The following DAB1 variants were observed in gnomAD, a reference collection of about 807,000 sequenced individuals.
DAB1 encodes the protein disabled homolog 1.
Under a neutral mutation model 64.6 loss-of-function variants are expected in DAB1, and 15 were observed. That is an observed-to-expected ratio of 0.23 (90% CI 0.16 to 0.36). The LOEUF (loss-of-function observed/expected upper bound fraction) is 0.36. DAB1 is among the 10% of genes least tolerant of loss of function. The probability of loss-of-function intolerance (pLI) is 1.00; values close to 1 mark genes in which losing one functional copy is unlikely to be tolerated. For missense variants in DAB1, 596 were observed against 706.7 expected, an observed-to-expected ratio of 0.84 and a Z score of 1.78; for synonymous variants, 235 against 251.9, an observed-to-expected ratio of 0.93 and a Z score of 0.64.
intron 2 of DAB1, among the ~76,000 whole-genome samples, chr1:57,270,807 G>A (rs1670935014): frequency 1.3e-5 from 2 of 152,128 alleles, no homozygotes; most frequent in African/African-American, 4.8e-5. Flanking sequence ...GCACCTATTA[G>A]TGCCAGGCAC....
chr1:57,671,767 C>A (rs1646512823), intron 6 of DAB1, among the ~76,000 whole-genome samples: 1 of 152,084 alleles, frequency 6.6e-6, no homozygotes, highest in South Asian at 2.1e-4. Flanking sequence ...CTTCCCTGTA[C>A]AGCCTTCCCT....
chr1:57,177,432 G>T (rs768093832), intron 2 of DAB1, among the ~76,000 whole-genome samples: 2 of 151,994 alleles, frequency 1.3e-5, no homozygotes, highest in African/African-American at 4.8e-5. Flanking sequence ...AAACTAGGAG[G>T]GTAGAGGGAA....
intron 5 of DAB1, among the ~76,000 whole-genome samples, chr1:58,030,161 C>T (rs1383507900): frequency 5.3e-5 from 8 of 151,986 alleles, no homozygotes; most frequent in Admixed American, 3.3e-4. Context: ...GAGCCGAGAT[C>T]GCACCACCAC....
intron 7 of DAB1, among the ~76,000 whole-genome samples, chr1:57,436,855 G>A (rs1045709299): frequency 2.6e-5 from 4 of 151,916 alleles, no homozygotes; most frequent in African/African-American, 9.7e-5. Flanking sequence ...GGTGAACCCC[G>A]TCTCTACTAA....
In DAB1 at chr1:57,990,551, T is replaced by G. The variant is rs151070064; in HGVS notation, n.388-106389A>C. 1.9e-3 allele frequency among the ~76,000 whole-genome samples: 285 copies of G among 152,282 alleles called. 11 individuals are homozygous for G. The East Asian group carries it at 0.051, about 27-fold the overall frequency. Reference sequence around the variant, plus strand: ...CACCCACTGAAAGGCACCCAGTGTTTAAGAGCAGAGGGAGGGGCCTGACAC... The same window carrying G: ...CACCCACTGAAAGGCACCCAGTGTTGAAGAGCAGAGGGAGGGGCCTGACAC... On this transcript the variant is annotated intron_variant and non_coding_transcript_variant, in intron 5 of 20. Transcript: ENST00000485760.
chr1:57,100,118 G>A (rs1473235813), intron 4 of DAB1, among the ~76,000 whole-genome samples: 2 of 152,182 alleles, frequency 1.3e-5, no homozygotes, highest in African/African-American at 4.8e-5. Context: ...ATCACCACTA[G>A]CTACGGGATC....
intron 6 of DAB1, among the ~76,000 whole-genome samples, chr1:57,684,347 T>TAA (rs373699616): frequency 6.8e-6 from 1 of 147,414 alleles, no homozygotes; most frequent in African/African-American, 2.5e-5. Context: ...CAATGCAAAA[T>TAA]AAAAAAAAAA....
At chr1:57,344,264 C>T (rs1319251375) in intron 1 of DAB1, among the ~76,000 whole-genome samples, 2 of 152,144 alleles carry the variant, frequency 1.3e-5, no homozygotes, top group Non-Finnish European at 2.9e-5. Flanking sequence ...CATTTTGTAA[C>T]CAGAGCACTG....
intron 2 of DAB1, among the ~76,000 whole-genome samples, chr1:57,163,268 G>C (rs1660924737): frequency 1.3e-5 from 2 of 152,178 alleles, no homozygotes; most frequent in Admixed American, 6.5e-5. Flanking sequence ...ATGAAACAAG[G>C]AGTGACTGGG....
intron 5 of DAB1, among the ~76,000 whole-genome samples, chr1:58,015,983 T>C (rs1003894183): frequency 6.6e-6 from 1 of 151,624 alleles, no homozygotes; most frequent in Non-Finnish European, 1.5e-5. Context: ...CATTTTGCAG[T>C]GATGAAGGGA....
intron 4 of DAB1, among the ~76,000 whole-genome samples, chr1:58,294,370 A>G (rs1276740159): frequency 6.6e-6 from 1 of 152,214 alleles, no homozygotes; most frequent in Non-Finnish European, 1.5e-5. Context: ...GGAAATTTTA[A>G]TTCAACTCCT....
chr1:58,172,111 T>C (rs1223662499), intron 4 of DAB1, among the ~76,000 whole-genome samples: 3 of 152,150 alleles, frequency 2.0e-5, no homozygotes, highest in African/African-American at 7.2e-5. Context: ...GGGCAAATAC[T>C]CATCTAGTAG....
rs1317730713 is a variant in DAB1, at chr1:57,050,355, C to T, written c.723+12529G>A. Among the ~76,000 whole-genome samples the T allele has an allele frequency of 4.6e-5, 7 of 152,326 alleles. No individual in the cohort carries two copies. In the South Asian group the frequency reaches 1.5e-3, roughly 32 times the overall value. On this transcript the variant is annotated intron_variant, in intron 9 of 14. Coordinates refer to ENST00000371236, the MANE Select transcript of DAB1 (RefSeq NM_001365792.1). ...TTGTCATTCTAACACCTGAAAGCATCAGTGACTTCCTAACAGCTCCCAGAT... is the reference window on the plus strand; with the variant it reads ...TTGTCATTCTAACACCTGAAAGCATTAGTGACTTCCTAACAGCTCCCAGAT...
Position 57,072,338 on chromosome 1 carries a change from T to A in DAB1, c.383A>T (p.Tyr128Phe). 6.2e-7 allele frequency: 1 copy of A among 1,613,816 alleles called. No homozygotes were observed. Among genetic ancestry groups the A allele is most frequent in the Non-Finnish European group, 8.5e-7 (1 of 1,179,812 alleles). Residue 128 changes from tyrosine to phenylalanine, a missense_variant, in exon 5 of 15, where the codon TAT (tyrosine) becomes TTT (phenylalanine). Physicochemically the swap from Tyr to Phe is conservative, Grantham distance 22. Coordinates refer to ENST00000371236, the MANE Select transcript of DAB1 (RefSeq NM_001365792.1). ...KDITDHRAFG[Y>F]VCGKEGNHRF... ...GTGATTCCCTTCCTTCCCACAAACA[T>A]ATCCAAAGGCCCGGTGATCTGTAAT...
intron 9 of DAB1, among the ~76,000 whole-genome samples, chr1:57,026,825 C>A (rs187857009): frequency 6.6e-6 from 1 of 152,186 alleles, no homozygotes; most frequent in Non-Finnish European, 1.5e-5. Flanking sequence ...CCAGCCACAG[C>A]AGCTAAAGAA....
chr1:57,291,648 T>A (rs1048113010), intron 1 of DAB1, among the ~76,000 whole-genome samples: 1 of 152,142 alleles, frequency 6.6e-6, no homozygotes, highest in African/African-American at 2.4e-5. Flanking sequence ...GACATACAAA[T>A]GGGCTCCAAG....
intron 4 of DAB1, among the ~76,000 whole-genome samples, chr1:57,106,935 G>A (rs532477555): frequency 3.3e-5 from 5 of 152,284 alleles, no homozygotes; most frequent in African/African-American, 1.2e-4. Context: ...ATCTATTGGG[G>A]TCTCAGGGAA....
At position 57,725,763 on chromosome 1, in the gene DAB1, T is replaced by C. The variant is rs559922068; in HGVS notation, n.552-76098A>G. ...TTTAACTGTTCTTTTCTTTTCTTTTTTTTTTTGAGACAGAGTCTCACTCTG... is the reference window on the plus strand; with the variant it reads ...TTTAACTGTTCTTTTCTTTTCTTTTCTTTTTTGAGACAGAGTCTCACTCTG... On this transcript the variant is annotated intron_variant and non_coding_transcript_variant, in intron 6 of 20. Coordinates refer to the DAB1 transcript ENST00000485760. Among the ~76,000 whole-genome samples, 1,388 of 152,148 alleles carry C rather than the reference T, an allele frequency of 9.1e-3. 18 individuals are homozygous for C. Among genetic ancestry groups the C allele is most frequent in the African/African-American group, 0.031 (1,293 of 41,446 alleles).
chr1:58,507,508 A>C (rs1465394567), intron 2 of DAB1, among the ~76,000 whole-genome samples: 1 of 151,996 alleles, frequency 6.6e-6, no homozygotes, highest in African/African-American at 2.4e-5. Flanking sequence ...ATAATTCCTT[A>C]AGACCTCTGA....
Sources: allele counts gnomAD v4.1 joint callset (sites outside exome capture counted in the v4.1 genomes callset), GRCh38; gene constraint gnomAD v4.1.1; transcripts MANE v1.5; gene names NCBI Gene and HGNC (gene_info 2026-07-23, HGNC 2026-07-21).